The following TENM3 variants were observed in gnomAD, a reference collection of about 807,000 sequenced individuals.
TENM3 encodes the protein teneurin-3.
A neutral mutation model predicts 255.1 loss-of-function variants in TENM3; 63 were observed. That is an observed-to-expected ratio of 0.25 (90% confidence interval 0.20 to 0.30). The LOEUF (loss-of-function observed/expected upper bound fraction) is 0.30. Among genes scored for constraint, TENM3 ranks in the 10% least tolerant of loss-of-function variants. The pLI is 1.00. For synonymous variants in TENM3, 1,306 were observed against 1,322.3 expected, an observed-to-expected ratio of 0.99 and a Z score of 0.27; for missense variants, 2,929 against 3,461.1, an observed-to-expected ratio of 0.85 and a Z score of 3.86.
At chr4:181,781,065 A>G in the TENM3 span, among the ~76,000 whole-genome samples, 1 of 152,204 alleles carries the variant, frequency 6.6e-6, no homozygotes, top group East Asian at 1.9e-4. Context: ...TGATGCCTCC[A>G]GCTTTGTACT....
At chr4:182,654,768 A>G (rs1753614279) in intron 6 of TENM3, among the ~76,000 whole-genome samples, 1 of 152,212 alleles carries the variant, frequency 6.6e-6, no homozygotes, top group South Asian at 2.1e-4. Flanking sequence ...AAGACTGGAA[A>G]GAAATTATTC....
chr4:182,640,875 G>A (rs897247444), intron 5 of TENM3, among the ~76,000 whole-genome samples: 1 of 152,188 alleles, frequency 6.6e-6, no homozygotes. Flanking sequence ...TGGAACGCAG[G>A]CTTCATAAGA....
At chr4:181,944,872 T>C in the TENM3 span, among the ~76,000 whole-genome samples, 1 of 151,890 alleles carries the variant, frequency 6.6e-6, no homozygotes. Flanking sequence ...GCCTCCCTCC[T>C]TCCTCTTCCA....
At chr4:181,893,782 T>A in the TENM3 span, among the ~76,000 whole-genome samples, 1 of 152,154 alleles carries the variant, frequency 6.6e-6, no homozygotes, top group Non-Finnish European at 1.5e-5. Flanking sequence ...TAGGTTAAAA[T>A]GTTTTAGCAA....
At chr4:181,990,007 A>C in the TENM3 span, among the ~76,000 whole-genome samples, 1 of 152,112 alleles carries the variant, frequency 6.6e-6, no homozygotes, top group African/African-American at 2.4e-5. Context: ...TTTGTTACCA[A>C]ATTATCTATA....
At chr4:182,700,721 T>G (rs1389900322) in intron 12 of TENM3, among the ~76,000 whole-genome samples, 2 of 152,216 alleles carry the variant, frequency 1.3e-5, no homozygotes, top group African/African-American at 2.4e-5. Flanking sequence ...TCCATTAAAC[T>G]CTGTTGGTTG....
intron 3 of TENM3, among the ~76,000 whole-genome samples, chr4:182,455,154 G>C (rs540121177): frequency 1.3e-5 from 2 of 152,176 alleles, no homozygotes; most frequent in Non-Finnish European, 2.9e-5. Flanking sequence ...GTTCAGGAGA[G>C]AGTCACATTT....
the TENM3 span, among the ~76,000 whole-genome samples, chr4:181,566,627 T>C: frequency 9.2e-5 from 14 of 152,156 alleles, no homozygotes; most frequent in Non-Finnish European, 7.3e-5. Context: ...CTGGTAACTG[T>C]CCATGCAGCG....
At chr4:181,474,892 C>G in the TENM3 span, among the ~76,000 whole-genome samples, 1 of 152,080 alleles carries the variant, frequency 6.6e-6, no homozygotes, top group Non-Finnish European at 1.5e-5. Flanking sequence ...TCTTCTCCCC[C>G]CACCTCATAT....
At chr4:182,217,009 CTTTTTTTTTTTT>C (rs3071526) in intron 1 of TENM3, among the ~76,000 whole-genome samples, 48 of 67,530 alleles carry the variant, frequency 7.1e-4, no homozygotes, top group Middle Eastern at 0.017. Context: ...CATTTTCTTT[CTTTTTTTTTTTT>C]TTTTTTTTTT....
the TENM3 span, among the ~76,000 whole-genome samples, chr4:181,740,355 A>G: frequency 6.6e-6 from 1 of 152,212 alleles, no homozygotes; most frequent in Non-Finnish European, 1.5e-5. Flanking sequence ...GAATGATATG[A>G]GAATTTCAGA....
At chr4:182,321,121 A>AT (rs1228057873) in intron 1 of TENM3, among the ~76,000 whole-genome samples, 1 of 152,124 alleles carries the variant, frequency 6.6e-6, no homozygotes, top group Non-Finnish European at 1.5e-5. Context: ...TTTTCGGTCT[A>AT]TAGGGCCCTC....
chr4:182,185,083 A>G (rs1460722052), intron 1 of TENM3, among the ~76,000 whole-genome samples: 1 of 124,530 alleles, frequency 8.0e-6, no homozygotes, highest in Non-Finnish European at 1.7e-5. Flanking sequence ...AACTCTGTCA[A>G]AAAAAAAAAT....
chr4:182,046,834 G>C, the TENM3 span, among the ~76,000 whole-genome samples: 2 of 152,198 alleles, frequency 1.3e-5, no homozygotes, highest in African/African-American at 4.8e-5. Context: ...CCTATAGCAG[G>C]TTTCTATTTT....
intron 1 of TENM3, among the ~76,000 whole-genome samples, chr4:182,282,466 T>G (rs1760449942): frequency 6.6e-6 from 1 of 152,216 alleles, no homozygotes; most frequent in African/African-American, 2.4e-5. Flanking sequence ...AGTGTGTTAA[T>G]AGCATGTAAA....
At chr4:182,775,748 C>T (rs1227332212) in intron 24 of TENM3, among the ~76,000 whole-genome samples, 1 of 152,202 alleles carries the variant, frequency 6.6e-6, no homozygotes, top group Non-Finnish European at 1.5e-5. Context: ...CTGTGCCCCT[C>T]TCTCTGCATA....
intron 4 of TENM3, among the ~76,000 whole-genome samples, chr4:182,626,903 C>A (rs1205279196): frequency 6.6e-6 from 1 of 151,970 alleles, no homozygotes; most frequent in Non-Finnish European, 1.5e-5. Flanking sequence ...ATAAGTAAGT[C>A]ATTAGTGCCA....
the TENM3 span, among the ~76,000 whole-genome samples, chr4:181,888,282 C>T: frequency 3.3e-5 from 5 of 151,486 alleles, no homozygotes; most frequent in Non-Finnish European, 5.9e-5. Flanking sequence ...CCACCCGCTT[C>T]GGCCTCCCAA....
chr4:181,587,929 CAG>C, the TENM3 span, among the ~76,000 whole-genome samples: 128 of 152,066 alleles, frequency 8.4e-4, no homozygotes, highest in African/African-American at 3.0e-3. Context: ...CTTTCAGTGA[CAG>C]GGGTAAGGAG....
Sources: gnomAD v4.1 joint callset for allele counts (sites outside exome capture counted in the v4.1 genomes callset) on GRCh38, gnomAD v4.1.1 for gene constraint, MANE v1.5 for transcripts, NCBI Gene and HGNC (gene_info 2026-07-23, HGNC 2026-07-21) for gene names.